The following PCDHA11 variants were observed in gnomAD, a reference collection of about 807,000 sequenced individuals.
PCDHA11 encodes the protein protocadherin alpha 11.
A neutral mutation model predicts 70.3 loss-of-function variants in PCDHA11; 61 were observed. The observed-to-expected ratio is 0.87, with a 90% CI of 0.71 to 1.07. The LOEUF is 1.07. PCDHA11 is among the 50% of genes least tolerant of loss of function. PCDHA11 has a pLI of 0.00. For synonymous variants in PCDHA11, 633 were observed against 555.1 expected (o/e 1.14, Z -1.97); for missense variants, 1,324 against 1,237.5 (o/e 1.07, Z -1.05).
chr5:140,948,312 G>A (rs2094238308), intron 1 of PCDHA11, among the ~76,000 whole-genome samples: 1 of 151,400 alleles, frequency 6.6e-6, no homozygotes, highest in African/African-American at 2.4e-5. Context: ...TTCTTCTTGA[G>A]GGGTAATGTT....
intron 1 of PCDHA11, among the ~76,000 whole-genome samples, chr5:140,897,497 G>C (rs1554187423): frequency 6.6e-6 from 1 of 152,010 alleles, no homozygotes; most frequent in Admixed American, 6.6e-5. Flanking sequence ...TTTCAACCAT[G>C]TCCCTACAAA....
At chr5:140,956,930 A>G (rs2153711573) in intron 1 of PCDHA11, among the ~76,000 whole-genome samples, 1 of 151,954 alleles carries the variant, frequency 6.6e-6, no homozygotes, top group East Asian at 1.9e-4. Flanking sequence ...TGCTGGATAT[A>G]GGATAAAATT....
rs180868237 is a variant in PCDHA11 at position 140,870,334 on chromosome 5, G to A, written c.1231G>A (p.Ala411Thr). 21 of 1,614,166 alleles carry A rather than the reference G, an allele frequency of 1.3e-5. No individual in the cohort carries two copies. The Admixed American group carries it at 2.3e-4, about 18-fold the overall frequency. The change falls in exon 1 of 4, where the codon GCC becomes ACC. Residue 411 changes from alanine to threonine, a missense_variant. Ala to Thr is a moderately conservative substitution (Grantham distance 58, BLOSUM62 0). Transcript: ENST00000398640. ...TTACTACTCGTTGGTGCTGGACAGC[G>A]CCCTGGACCGCGAGAACGTGTGGGC... ...KNYYSLVLDS[A>T]LDRENVWAYE...
chr5:140,922,434 C>T (rs1167616099), intron 1 of PCDHA11, among the ~76,000 whole-genome samples: 1 of 152,180 alleles, frequency 6.6e-6, no homozygotes, highest in Admixed American at 6.5e-5. Flanking sequence ...GAGGGCAGAA[C>T]TCTCTCATTA....
chr5:140,925,570 A>G (rs531387558), intron 1 of PCDHA11, among the ~76,000 whole-genome samples: 1 of 152,008 alleles, frequency 6.6e-6, no homozygotes, highest in African/African-American at 2.4e-5. Flanking sequence ...TGGGTGCAGC[A>G]CACCAACATG....
intron 1 of PCDHA11, chr5:140,882,819 A>G: frequency 6.2e-7 from 1 of 1,614,244 alleles, no homozygotes; most frequent in Non-Finnish European, 8.5e-7. Flanking sequence ...GACGCACAAA[A>G]CAGTCTTGAG....
intron 1 of PCDHA11, among the ~76,000 whole-genome samples, chr5:140,915,400 T>C (rs1554196884): frequency 6.6e-6 from 1 of 152,224 alleles, no homozygotes; most frequent in East Asian, 1.9e-4. Context: ...GTATTTCTTA[T>C]AGTCTTTGCA....
At chr5:140,967,047 T>C in intron 1 of PCDHA11, 5 of 1,612,444 alleles carry the variant, frequency 3.1e-6, no homozygotes, top group Non-Finnish European at 4.2e-6. Flanking sequence ...GAGCTGGACC[T>C]GACGAGTGGA....
chr5:140,982,482 C>T lies in PCDHA11; in HGVS notation c.2458C>T (p.His820Tyr), dbSNP rs782273708. 1.9e-6 allele frequency: 3 copies of T among 1,614,054 alleles called. No individual in the cohort carries two copies. Among genetic ancestry groups the T allele is most frequent in the East Asian group, 4.5e-5 (2 of 44,894 alleles). The change falls in exon 3 of 4, where the codon CAC (histidine) becomes TAC (tyrosine). Residue 820 changes from histidine to tyrosine, a missense_variant. Physicochemically the swap from His to Tyr is moderately conservative, Grantham distance 83. Transcript: ENST00000398640. ...SLRAGMHSSV[H>Y]LEEAGILRAG... ...GTCTGTGTGTTTATTCAGCTCTGTGCACCTAGAGGAGGCTGGCATTCTACG... is the reference window on the plus strand; with the variant it reads ...GTCTGTGTGTTTATTCAGCTCTGTGTACCTAGAGGAGGCTGGCATTCTACG...
At position 140,946,014 on chromosome 5, in the gene PCDHA11, C is replaced by T. The variant is rs116323983; in HGVS notation, c.2392-32935C>T. On this transcript the variant is annotated intron_variant, in intron 1 of 3. Coordinates refer to ENST00000398640, the MANE Select transcript of PCDHA11 (RefSeq NM_018902.5). ...ATTGCATCAAACTAAAAAGCTCCTG[C>T]GCAGCAAAGAAAACAAGAGTGAAGG... Among the ~76,000 whole-genome samples, 849 of 151,986 alleles carry T rather than the reference C, an allele frequency of 5.6e-3. 7 individuals carry two copies. The highest frequency in any genetic ancestry group is 0.02 in the African/African-American group (814 of 41,504).
chr5:140,875,248 G>A, intron 1 of PCDHA11: 5 of 999,174 alleles, frequency 5.0e-6, no homozygotes, highest in Non-Finnish European at 6.9e-6. Flanking sequence ...TACATAATCA[G>A]TCACATGATG....
intron 1 of PCDHA11, among the ~76,000 whole-genome samples, chr5:140,937,364 T>C (rs1471697724): frequency 6.6e-6 from 1 of 152,150 alleles, no homozygotes; most frequent in African/African-American, 2.4e-5. Flanking sequence ...TATTTTATCT[T>C]AATGTTTATG....
At chr5:140,877,599 C>A in intron 1 of PCDHA11, 1 of 1,613,882 alleles carries the variant, frequency 6.2e-7, no homozygotes, top group South Asian at 1.1e-5. Flanking sequence ...CGGTGTCCAG[C>A]CTGCTGGTGC....
intron 1 of PCDHA11, among the ~76,000 whole-genome samples, chr5:140,911,201 C>G: frequency 6.6e-6 from 1 of 152,110 alleles, no homozygotes; most frequent in Non-Finnish European, 1.5e-5. Context: ...GACATGTTGC[C>G]ACTACTGGGG....
At chr5:140,881,940 G>A (rs1273995753) in intron 1 of PCDHA11, 1 of 295,968 alleles carries the variant, frequency 3.4e-6, no homozygotes, top group Non-Finnish European at 6.2e-6. Flanking sequence ...TGCTGTTTCT[G>A]GGAAGGTAAA....
At chr5:140,943,070 A>G (rs2093413648) in intron 1 of PCDHA11, among the ~76,000 whole-genome samples, 2 of 152,004 alleles carry the variant, frequency 1.3e-5, no homozygotes, top group Non-Finnish European at 2.9e-5. Context: ...CAGCCTGACC[A>G]ACATGGTGAA....
intron 1 of PCDHA11, among the ~76,000 whole-genome samples, chr5:140,942,616 T>C (rs2093340049): frequency 1.0e-5 from 1 of 99,878 alleles, no homozygotes. Context: ...TATTTGCCAA[T>C]TGTAAAAAAA....
chr5:140,985,946 A>G (rs1265124776), intron 3 of PCDHA11, among the ~76,000 whole-genome samples: 1 of 151,962 alleles, frequency 6.6e-6, no homozygotes, highest in Non-Finnish European at 1.5e-5. Flanking sequence ...TCACTGTGTT[A>G]GCCAGGATGG....
At position 140,871,442 on chromosome 5, in the gene PCDHA11, A is replaced by C; in HGVS notation, c.2339A>C (p.Asn780Thr). Reference protein sequence around the residue: ...AFSPSLPLGLNKEEEGERQEP... With the variant: ...AFSPSLPLGLTKEEEGERQEP... ...AGCCCCAGTCTTCCTCTAGGTCTGA[A>C]TAAAGAGGAGGAAGGGGAAAGACAG... The change falls in exon 1 of 4, where the codon AAT (asparagine) becomes ACT (threonine). Residue 780 changes from asparagine (N) to threonine (T), a missense_variant. Coordinates refer to ENST00000398640, the MANE Select transcript of PCDHA11 (RefSeq NM_018902.5). 1 of 1,611,276 alleles carries C rather than the reference A, an allele frequency of 6.2e-7. No individual in the cohort carries two copies. Among genetic ancestry groups the C allele is most frequent in the African/African-American group, 1.3e-5 (1 of 75,010 alleles).
Sources: allele counts gnomAD v4.1 joint callset (sites outside exome capture counted in the v4.1 genomes callset), GRCh38; gene constraint gnomAD v4.1.1; transcripts MANE v1.5; gene names NCBI Gene and HGNC (gene_info 2026-07-23, HGNC 2026-07-21).